SUGCT: variants seen among roughly 807,000 people sequenced by gnomAD.
The protein encoded by SUGCT is succinyl-CoA:glutarate-CoA transferase, also known as succinyl-CoA:glutarate CoA-transferase.
In SUGCT, 41 loss-of-function variants were observed where a neutral mutation model predicts 55.0. The ratio of observed to expected loss-of-function variants is 0.74; its 90% CI spans 0.58 to 0.97. The LOEUF is 0.97. Ranked by LOEUF, SUGCT falls within the 50% of genes least tolerant of loss-of-function variation. SUGCT has a pLI of 0.00. For missense variants in SUGCT, 568 were observed against 547.8 expected (o/e 1.04, Z -0.37); for synonymous variants, 187 against 200.4 (o/e 0.93, Z 0.56).
At chr7:40,256,851 C>T (rs1200780941) in intron 7 of SUGCT, among the ~76,000 whole-genome samples, 1 of 152,046 alleles carries the variant, frequency 6.6e-6, no homozygotes, top group Non-Finnish European at 1.5e-5. Context: ...TCAAGTGATT[C>T]TCTTGCTCTG....
At chr7:40,225,513 T>G (rs1303099275) in intron 6 of SUGCT, among the ~76,000 whole-genome samples, 1 of 151,594 alleles carries the variant, frequency 6.6e-6, no homozygotes, top group Non-Finnish European at 1.5e-5. Context: ...CTTGGCTCAC[T>G]GCAACCTCTG....
At chr7:40,328,872 A>C (rs994801721) in intron 9 of SUGCT, among the ~76,000 whole-genome samples, 2 of 152,118 alleles carry the variant, frequency 1.3e-5, no homozygotes, top group African/African-American at 4.8e-5. Context: ...AATGGGTTCA[A>C]ATCTACCCAA....
intron 12 of SUGCT, among the ~76,000 whole-genome samples, chr7:40,626,411 A>ATTTTTT (rs1218799947): frequency 7.0e-6 from 1 of 141,916 alleles, no homozygotes; most frequent in African/African-American, 2.6e-5. Flanking sequence ...CGTGTGCCTA[A>ATTTTTT]TTTTTTTTTT....
intron 12 of SUGCT, among the ~76,000 whole-genome samples, chr7:40,590,464 A>G (rs1010636400): frequency 6.6e-6 from 1 of 152,242 alleles, no homozygotes; most frequent in Non-Finnish European, 1.5e-5. Context: ...AAGGAAGTAA[A>G]GGAAAGAAGC....
At chr7:40,680,349 A>G (rs1421929502) in intron 12 of SUGCT, among the ~76,000 whole-genome samples, 1 of 152,198 alleles carries the variant, frequency 6.6e-6, no homozygotes, top group African/African-American at 2.4e-5. Context: ...ATCTCAGTAC[A>G]ATAAATGTTA....
the SUGCT span, among the ~76,000 whole-genome samples, chr7:40,996,009 G>A: frequency 6.6e-5 from 10 of 152,170 alleles, no homozygotes; most frequent in Non-Finnish European, 1.3e-4. Context: ...GCAAAGTGAC[G>A]TCTAACTGGC....
chr7:40,436,619 T>C (rs1257920658), intron 9 of SUGCT, among the ~76,000 whole-genome samples: 1 of 152,174 alleles, frequency 6.6e-6, no homozygotes, highest in Non-Finnish European at 1.5e-5. Context: ...GTAGGCTTTG[T>C]CAGAAATGAT....
At chr7:40,145,204 AC>A (rs979386814) in intron 1 of SUGCT, among the ~76,000 whole-genome samples, 2 of 152,232 alleles carry the variant, frequency 1.3e-5, no homozygotes, top group South Asian at 2.1e-4. Context: ...GTAAAAATCT[AC>A]ATTCTTATGC....
chr7:40,324,248 A>ATGT, intron 9 of SUGCT, among the ~76,000 whole-genome samples: 1 of 111,092 alleles, frequency 9.0e-6, no homozygotes, highest in Non-Finnish European at 1.7e-5. Context: ...TAAATAAATA[A>ATGT]ATAAATATAT....
chr7:40,893,059 T>C, the SUGCT span, among the ~76,000 whole-genome samples: 1 of 152,098 alleles, frequency 6.6e-6, no homozygotes, highest in East Asian at 1.9e-4. Context: ...AGACTTAAAG[T>C]CAAAACTGTC....
At chr7:40,786,581 A>G (rs1404817639) in intron 13 of SUGCT, among the ~76,000 whole-genome samples, 2 of 152,234 alleles carry the variant, frequency 1.3e-5, no homozygotes, top group Admixed American at 6.5e-5. Context: ...TATTATTCAA[A>G]TAAGTAAAGA....
intron 12 of SUGCT, among the ~76,000 whole-genome samples, chr7:40,593,168 G>A (rs932588759): frequency 4.6e-5 from 7 of 152,136 alleles, no homozygotes; most frequent in South Asian, 2.1e-4. Context: ...GGCTGACTTC[G>A]CCTTGGAATC....
intron 1 of SUGCT, among the ~76,000 whole-genome samples, chr7:40,170,679 T>C (rs1383268800): frequency 6.6e-6 from 1 of 152,052 alleles, no homozygotes; most frequent in Non-Finnish European, 1.5e-5. Flanking sequence ...GCACCTGTTT[T>C]CCCACCTTTC....
rs150571261 is a variant in SUGCT, at chr7:40,685,379, C to T, written c.1090-64055C>T. 3.7e-4 allele frequency among the ~76,000 whole-genome samples: 57 copies of T among 152,286 alleles called. 1 individual carries two copies. In the East Asian group the frequency reaches 4.6e-3, roughly 12 times the overall value. ...CTGATGTGGATTAATTCTCTATAGA[C>T]GTTGCTGTTTGACTGTCTTCCTGAA... On this transcript the variant is annotated intron_variant, in intron 12 of 13. Coordinates refer to ENST00000335693, the MANE Select transcript of SUGCT (RefSeq NM_001193313.2).
intron 12 of SUGCT, among the ~76,000 whole-genome samples, chr7:40,581,227 G>A (rs1797071639): frequency 6.6e-6 from 1 of 152,144 alleles, no homozygotes; most frequent in Non-Finnish European, 1.5e-5. Context: ...ATTAACTTGT[G>A]GAGGTAGGAA....
rs1424121844 is a variant in SUGCT, at chr7:40,308,544, GC to G, written c.721-8214del. Among the ~76,000 whole-genome samples the G allele has an allele frequency of 2.0e-5, 3 of 152,158 alleles. No homozygotes were observed. In the East Asian group the frequency reaches 5.8e-4, roughly 29 times the overall value. On this transcript the variant is annotated intron_variant, in intron 8 of 13. Coordinates refer to ENST00000335693, the MANE Select transcript of SUGCT (RefSeq NM_001193313.2). Reference sequence around the variant, plus strand: ...AATAATATCTCAGATCCTTACCCAGGCCTGCAAGGACCCATATGATATGGCC... The same window carrying G: ...AATAATATCTCAGATCCTTACCCAGGCTGCAAGGACCCATATGATATGGCC...
At chr7:40,293,026 G>A (rs1416492037) in intron 8 of SUGCT, among the ~76,000 whole-genome samples, 1 of 152,110 alleles carries the variant, frequency 6.6e-6, no homozygotes, top group African/African-American at 2.4e-5. Flanking sequence ...TGTATTTAGA[G>A]CATAAGTTTT....
intron 11 of SUGCT, among the ~76,000 whole-genome samples, chr7:40,462,067 AGAGAAGTGAAC>A (rs1460884670): frequency 6.6e-6 from 1 of 152,256 alleles, no homozygotes; most frequent in Admixed American, 6.5e-5. Context: ...AGTTGGGGAT[AGAGAAGTGAAC>A]GAAACAGACA....
intron 9 of SUGCT, among the ~76,000 whole-genome samples, chr7:40,324,232 TATAAATAA>T (rs201014309): frequency 1.6e-5 from 2 of 122,208 alleles, no homozygotes; most frequent in Non-Finnish European, 3.2e-5. Context: ...TGATCATATA[TATAAATAA>T]ATAAATAAAT....
Sources: gnomAD v4.1 joint callset for allele counts (sites outside exome capture counted in the v4.1 genomes callset) on GRCh38, gnomAD v4.1.1 for gene constraint, MANE v1.5 for transcripts, NCBI Gene and HGNC (gene_info 2026-07-23, HGNC 2026-07-21) for gene names.